Variants in GAREM1 observed in about 807,000 individuals in gnomAD.
GAREM1 encodes GRB2-associated and regulator of MAPK protein 1.
Under a neutral mutation model 71.3 loss-of-function variants are expected in GAREM1, and 26 were observed. The ratio of observed to expected loss-of-function variants is 0.36; its 90% CI spans 0.27 to 0.51. The LOEUF is 0.51. Ranked by LOEUF, GAREM1 falls within the 20% of genes least tolerant of loss-of-function variation. The pLI is 0.95. For missense variants in GAREM1, 1,026 were observed against 1,103.1 expected, an observed-to-expected ratio of 0.93 and a Z score of 0.99; for synonymous variants, 440 against 433.2, an observed-to-expected ratio of 1.02 and a Z score of -0.20.
chr18:32,453,103 T>C lies in GAREM1; in HGVS notation c.121+17205A>G, dbSNP rs138851552. ...CGTGGCTGGGGAGGCCTCACAATCA[T>C]GGTGGAAAGTGAAAGGCACGTCTTA... On this transcript the variant is annotated intron_variant, in intron 1 of 5. Coordinates refer to ENST00000269209, the MANE Select transcript of GAREM1 (RefSeq NM_001242409.2). 3.1e-3 allele frequency among the ~76,000 whole-genome samples: 473 copies of C among 152,000 alleles called. 3 individuals carry two copies. The highest frequency in any genetic ancestry group is 0.011 in the African/African-American group (440 of 41,460).
intron 3 of GAREM1, among the ~76,000 whole-genome samples, chr18:32,300,704 C>T (rs867336752): frequency 5.8e-4 from 88 of 151,998 alleles, no homozygotes; most frequent in African/African-American, 1.9e-3. Context: ...ATCGGGAGTT[C>T]GAGACCAGCC....
chr18:32,428,847 G>A (rs574921044), intron 1 of GAREM1, among the ~76,000 whole-genome samples: 7 of 152,078 alleles, frequency 4.6e-5, no homozygotes, highest in South Asian at 4.2e-4. Flanking sequence ...CCATCTTTTC[G>A]GTTCCTTGTT....
At chr18:32,464,846 AC>A (rs2048984498) in intron 1 of GAREM1, among the ~76,000 whole-genome samples, 1 of 152,256 alleles carries the variant, frequency 6.6e-6, no homozygotes, top group Non-Finnish European at 1.5e-5. Flanking sequence ...GAATGTAAGC[AC>A]CACAAAGACA....
At chr18:32,467,724 A>T (rs1282703067) in intron 1 of GAREM1, among the ~76,000 whole-genome samples, 1 of 152,194 alleles carries the variant, frequency 6.6e-6, no homozygotes. Context: ...CTCTTTAAAA[A>T]CAAGTGATTT....
In GAREM1 at chr18:32,263,657, G is replaced by A. The variant is rs1241528959; in HGVS notation, c.*4214C>T. The A allele has an allele frequency of 3.9e-5, 6 of 152,080 alleles. No individual in the cohort carries two copies. Among genetic ancestry groups the A allele is most frequent in the Non-Finnish European group, 8.8e-5 (6 of 68,020 alleles). The allele number at this position is 152,080 out of a possible 1,614,324, so 9.4% of individuals were successfully genotyped here. The stretch of plus-strand genomic sequence containing the variant: ...ATTAGATAACGTTTTGGAAAGTAAT[G>A]CCATTGTTAACTGGTAGTTAACAAC... On this transcript the variant is annotated 3_prime_UTR_variant, in exon 6 of 6. Coordinates refer to ENST00000269209, the MANE Select transcript of GAREM1 (RefSeq NM_001242409.2).
chr18:32,430,204 A>G (rs987141210), intron 1 of GAREM1, among the ~76,000 whole-genome samples: 2 of 152,190 alleles, frequency 1.3e-5, no homozygotes, highest in Non-Finnish European at 2.9e-5. Flanking sequence ...GTATTTCAGG[A>G]TATCTCAGAA....
intron 1 of GAREM1, among the ~76,000 whole-genome samples, chr18:32,408,982 T>A (rs2048391442): frequency 6.6e-6 from 1 of 152,198 alleles, no homozygotes; most frequent in Admixed American, 6.5e-5. Flanking sequence ...AATGAGAGAA[T>A]AAGTGCTAAA....
chr18:32,312,272 C>A (rs1214385263), intron 2 of GAREM1, among the ~76,000 whole-genome samples: 1 of 152,080 alleles, frequency 6.6e-6, no homozygotes, highest in Non-Finnish European at 1.5e-5. Flanking sequence ...TGAGTGTGAA[C>A]AGAGAAGAGG....
intron 4 of GAREM1, among the ~76,000 whole-genome samples, chr18:32,278,200 A>G (rs1211117662): frequency 6.6e-6 from 1 of 152,172 alleles, no homozygotes; most frequent in Non-Finnish European, 1.5e-5. Flanking sequence ...AAAAAAATCA[A>G]TTTCAGAGCA....
intron 3 of GAREM1, among the ~76,000 whole-genome samples, chr18:32,302,785 GTTAA>G (rs2047213352): frequency 6.6e-6 from 1 of 152,174 alleles, no homozygotes; most frequent in Non-Finnish European, 1.5e-5. Flanking sequence ...TGATGGAAAT[GTTAA>G]TTAGCTTGAT....
intron 2 of GAREM1, among the ~76,000 whole-genome samples, chr18:32,322,721 G>A (rs569518311): frequency 6.6e-6 from 1 of 152,270 alleles, no homozygotes; most frequent in East Asian, 1.9e-4. Flanking sequence ...CTGAATGAAG[G>A]AACTTAAGAG....
At chr18:32,337,020 A>G (rs1422301204) in intron 2 of GAREM1, among the ~76,000 whole-genome samples, 1 of 152,204 alleles carries the variant, frequency 6.6e-6, no homozygotes. Context: ...AGTAAATGCC[A>G]TTCCTCTGTT....
chr18:32,390,621 A>G (rs531362943), intron 2 of GAREM1, among the ~76,000 whole-genome samples: 84 of 152,282 alleles, frequency 5.5e-4, no homozygotes, highest in African/African-American at 1.9e-3. Flanking sequence ...CACCTTCCTT[A>G]TGGATCAAAA....
intron 1 of GAREM1, among the ~76,000 whole-genome samples, chr18:32,406,687 T>A (rs1379937635): frequency 6.6e-6 from 1 of 152,120 alleles, no homozygotes. Context: ...GATAAAGTGA[T>A]CAGGAAGGAT....
chr18:32,443,726 A>G (rs1220429825), intron 1 of GAREM1, among the ~76,000 whole-genome samples: 5 of 152,184 alleles, frequency 3.3e-5, no homozygotes, highest in African/African-American at 1.2e-4. Flanking sequence ...TTCTCAAACA[A>G]TTAAATGTAG....
rs904939139 is a variant in GAREM1 at position 32,470,755 on chromosome 18, T to A, written c.-327A>T. Reference sequence around the variant, plus strand: ...CCCGCTCCGCCTCCTCCTCTGGCCCTGGGTCTGCAGCTGCGGCGGCCGCCC... The same window carrying A: ...CCCGCTCCGCCTCCTCCTCTGGCCCAGGGTCTGCAGCTGCGGCGGCCGCCC... On this transcript the variant is annotated 5_prime_UTR_variant, in exon 1 of 6. Transcript: ENST00000269209. The surrounding 1 kb of genome is among the most constrained non-coding windows in gnomAD (Gnocchi z 4.4). Among the ~76,000 whole-genome samples the A allele has an allele frequency of 2.7e-5, 4 of 148,938 alleles. No individual in the cohort carries two copies. The highest frequency in any genetic ancestry group is 9.8e-5 in the African/African-American group (4 of 40,880).
chr18:32,458,097 G>A (rs778481493), intron 1 of GAREM1, among the ~76,000 whole-genome samples: 11 of 152,006 alleles, frequency 7.2e-5, no homozygotes, highest in South Asian at 4.1e-4. Flanking sequence ...AAGTTGTGTC[G>A]TCTATCTCTT....
intron 5 of GAREM1, among the ~76,000 whole-genome samples, chr18:32,269,141 A>G (rs1247959280): frequency 6.6e-6 from 1 of 152,152 alleles, no homozygotes; most frequent in Non-Finnish European, 1.5e-5. Context: ...GTAGAAGGAG[A>G]GAATAGTAAA....
chr18:32,354,737 G>C (rs2047788362), intron 2 of GAREM1, among the ~76,000 whole-genome samples: 1 of 152,184 alleles, frequency 6.6e-6, no homozygotes, highest in Non-Finnish European at 1.5e-5. Flanking sequence ...GCAGTCACTG[G>C]AATTCCAGTC....
Sources: allele counts gnomAD v4.1 joint callset (sites outside exome capture counted in the v4.1 genomes callset), GRCh38; gene constraint gnomAD v4.1.1; non-coding constraint Gnocchi (gnomAD v3.1); transcripts MANE v1.5; gene names NCBI Gene and HGNC (gene_info 2026-07-23, HGNC 2026-07-21).